Variants in BRINP3 observed in about 807,000 individuals in gnomAD.
The protein encoded by BRINP3 is BMP/retinoic acid-inducible neural-specific protein 3.
In BRINP3, 19 loss-of-function variants were observed where a neutral mutation model predicts 71.0. The observed-to-expected ratio is 0.27, with a 90% confidence interval of 0.19 to 0.39. The LOEUF is 0.39. Among genes scored for constraint, BRINP3 ranks in the 10% least tolerant of loss-of-function variants. The pLI, the probability that BRINP3 is intolerant of heterozygous loss-of-function variation, is 1.00. For missense variants in BRINP3, 959 were observed against 940.8 expected, an observed-to-expected ratio of 1.02 and a Z score of -0.25; for synonymous variants, 380 against 337.7, an observed-to-expected ratio of 1.13 and a Z score of -1.37.
intron 2 of BRINP3, among the ~76,000 whole-genome samples, chr1:190,411,499 A>G (rs2102409908): frequency 6.6e-6 from 1 of 152,294 alleles, no homozygotes; most frequent in East Asian, 1.9e-4. Flanking sequence ...TACTCTGTAA[A>G]CTTTGTGTGA....
At chr1:190,350,822 GTTTT>G (rs35410824) in intron 2 of BRINP3, among the ~76,000 whole-genome samples, 1 of 133,076 alleles carries the variant, frequency 7.5e-6, no homozygotes, top group Admixed American at 7.5e-5. Context: ...AGTTCACCTT[GTTTT>G]TTTTTTTTTT....
intron 2 of BRINP3, among the ~76,000 whole-genome samples, chr1:190,348,357 G>A (rs1668158319): frequency 6.6e-6 from 1 of 152,048 alleles, no homozygotes; most frequent in African/African-American, 2.4e-5. Context: ...ACCAATAAGT[G>A]CTATTTGATT....
chr1:190,152,404 T>A (rs1208269327), intron 7 of BRINP3, among the ~76,000 whole-genome samples: 1 of 151,780 alleles, frequency 6.6e-6, no homozygotes, highest in East Asian at 1.9e-4. Flanking sequence ...GTTGTAAAAA[T>A]TGAAATTGAT....
At chr1:190,172,491 T>C (rs1189009435) in intron 6 of BRINP3, among the ~76,000 whole-genome samples, 1 of 152,140 alleles carries the variant, frequency 6.6e-6, no homozygotes, top group Non-Finnish European at 1.5e-5. Context: ...AAACTACATG[T>C]GATGCTGCTA....
At chr1:190,337,842 A>G (rs1667391775) in intron 2 of BRINP3, among the ~76,000 whole-genome samples, 1 of 152,170 alleles carries the variant, frequency 6.6e-6, no homozygotes, top group South Asian at 2.1e-4. Context: ...GGACTTGGAT[A>G]CTATCTAAGG....
chr1:190,469,779 G>A (rs988407589), intron 1 of BRINP3, among the ~76,000 whole-genome samples: 3 of 150,876 alleles, frequency 2.0e-5, no homozygotes, highest in Non-Finnish European at 4.5e-5. Context: ...ATATTTAAAA[G>A]CAGTTACAAA....
chr1:190,168,383 C>T (rs1456328334), intron 6 of BRINP3, among the ~76,000 whole-genome samples: 2 of 152,044 alleles, frequency 1.3e-5, no homozygotes, highest in Admixed American at 1.3e-4. Flanking sequence ...ATATTCAACT[C>T]GAATGGTGAG....
At chr1:190,266,116 A>T (rs777700981) in intron 3 of BRINP3, among the ~76,000 whole-genome samples, 2 of 152,212 alleles carry the variant, frequency 1.3e-5, no homozygotes, top group Non-Finnish European at 2.9e-5. Context: ...ATTATCGGAT[A>T]CTCATCTAGC....
chr1:190,410,367 A>C (rs1056749856), intron 2 of BRINP3, among the ~76,000 whole-genome samples: 1 of 151,886 alleles, frequency 6.6e-6, no homozygotes, highest in African/African-American at 2.4e-5. Context: ...TTTGTTTTTT[A>C]TTTTTTCTTT....
At chr1:190,468,387 A>G (rs562155207) in intron 1 of BRINP3, among the ~76,000 whole-genome samples, 2 of 151,490 alleles carry the variant, frequency 1.3e-5, no homozygotes, top group African/African-American at 2.4e-5. Context: ...AAAGCCTGTC[A>G]TATAATGACA....
At chr1:190,162,918 G>C (rs548084440) in intron 6 of BRINP3, among the ~76,000 whole-genome samples, 35 of 152,124 alleles carry the variant, frequency 2.3e-4, no homozygotes, top group Admixed American at 2.2e-3. Context: ...AACACCTGTT[G>C]TGCACAGTAC....
At chr1:190,181,260 GT>G (rs1277192830) in intron 6 of BRINP3, among the ~76,000 whole-genome samples, 1 of 151,816 alleles carries the variant, frequency 6.6e-6, no homozygotes, top group Non-Finnish European at 1.5e-5. Context: ...GTTCATTCTT[GT>G]TATTGATGAA....
In BRINP3 at chr1:190,226,299, T is replaced by C; in HGVS notation, c.744A>G (p.Pro248=). ...GTACAAAACGTTCCTGAAGATAGTCTGGGAGAAGTACTTGAAGCCCTTGAA... is the reference window on the plus strand; with the variant it reads ...GTACAAAACGTTCCTGAAGATAGTCCGGGAGAAGTACTTGAAGCCCTTGAA... ...IQLQGLQVLL[P]DYLQERFVQA... Residue 248 remains proline, a synonymous_variant, in exon 6 of 8, where the codon CCA becomes CCG. Transcript: ENST00000367462. 3 of 1,598,138 alleles carry C rather than the reference T, an allele frequency of 1.9e-6. No individual in the cohort carries two copies. The highest frequency in any genetic ancestry group is 1.3e-5 in the African/African-American group (1 of 74,330).
intron 2 of BRINP3, among the ~76,000 whole-genome samples, chr1:190,358,983 G>A (rs1373555563): frequency 1.3e-5 from 2 of 152,012 alleles, no homozygotes; most frequent in African/African-American, 2.4e-5. Flanking sequence ...GACACAGGAA[G>A]GGGAACATCA....
chr1:190,128,005 C>T (rs551950419), intron 7 of BRINP3, among the ~76,000 whole-genome samples: 57 of 151,818 alleles, frequency 3.8e-4, no homozygotes, highest in African/African-American at 1.3e-3. Context: ...GAAGTAATAT[C>T]AATGCTGCTT....
chr1:190,249,278 T>A (rs1659901054), intron 4 of BRINP3, among the ~76,000 whole-genome samples: 1 of 151,804 alleles, frequency 6.6e-6, no homozygotes, highest in Admixed American at 6.6e-5. Flanking sequence ...AGACACTGAA[T>A]AAACCTTCAC....
At chr1:190,108,123 C>T (rs1183262883) in intron 7 of BRINP3, among the ~76,000 whole-genome samples, 1 of 151,954 alleles carries the variant, frequency 6.6e-6, no homozygotes, top group Non-Finnish European at 1.5e-5. Context: ...GATAATATCA[C>T]CTTCTAGGAA....
chr1:190,213,802 G>A (rs960743886), intron 6 of BRINP3, among the ~76,000 whole-genome samples: 1 of 151,944 alleles, frequency 6.6e-6, no homozygotes, highest in African/African-American at 2.4e-5. Context: ...ACAGCAAATG[G>A]GGGAACATAT....
intron 6 of BRINP3, among the ~76,000 whole-genome samples, chr1:190,209,448 C>T (rs1224952748): frequency 3.3e-5 from 5 of 152,066 alleles, no homozygotes; most frequent in African/African-American, 1.2e-4. Context: ...TTCCTCTAGA[C>T]AGTGATACAT....
Sources: gnomAD v4.1 joint callset for allele counts (sites outside exome capture counted in the v4.1 genomes callset) on GRCh38, gnomAD v4.1.1 for gene constraint, MANE v1.5 for transcripts, NCBI Gene and HGNC (gene_info 2026-07-23, HGNC 2026-07-21) for gene names.